The following MTIF2 variants were observed in gnomAD, a reference collection of about 807,000 sequenced individuals.
MTIF2 encodes translation initiation factor IF-2, mitochondrial.
Under a neutral mutation model 83.5 loss-of-function variants are expected in MTIF2, and 71 were observed. The observed-to-expected ratio is 0.85, with a 90% CI of 0.70 to 1.04. MTIF2 has a LOEUF of 1.04. MTIF2 is among the 50% of genes least tolerant of loss of function. MTIF2 has a pLI of 0.00. For synonymous variants in MTIF2, 319 were observed against 287.1 expected (o/e 1.11, Z -1.12); for missense variants, 957 against 846.5 (o/e 1.13, Z -1.62).
intron 8 of MTIF2, 29 bp from the exon 9 acceptor site, chr2:55,249,563 A>T: frequency 6.2e-7 from 1 of 1,608,902 alleles, no homozygotes; most frequent in Non-Finnish European, 8.5e-7. Context: ...AAAAGAGTGA[A>T]AATGATGACA....
intron 10 of MTIF2, among the ~76,000 whole-genome samples, chr2:55,245,068 T>A (rs774818439): frequency 1.3e-5 from 2 of 151,790 alleles, no homozygotes; most frequent in Non-Finnish European, 2.9e-5. Flanking sequence ...AATTAAAAAA[T>A]AAATAAATAT....
chr2:55,255,829 G>C (rs1677474355), intron 5 of MTIF2, among the ~76,000 whole-genome samples: 1 of 151,806 alleles, frequency 6.6e-6, no homozygotes, highest in Admixed American at 6.6e-5. Flanking sequence ...ATCTTTCACT[G>C]TTCTGCACAT....
At chr2:55,238,396 T>TG (rs1676050059) in intron 14 of MTIF2, among the ~76,000 whole-genome samples, 1 of 148,766 alleles carries the variant, frequency 6.7e-6, no homozygotes, top group African/African-American at 2.5e-5. Context: ...CTGGTTTTTT[T>TG]TTTTTTTTTT....
At chr2:55,243,806 G>T in intron 11 of MTIF2, 138 bp from the exon 12 acceptor site, 1 of 1,080,204 alleles carries the variant, frequency 9.3e-7, no homozygotes, top group Non-Finnish European at 1.3e-6. Context: ...CAAGAAACAT[G>T]TAAAATTTTA....
chr2:55,248,360 A>T (rs908718825), intron 9 of MTIF2, among the ~76,000 whole-genome samples: 1 of 152,224 alleles, frequency 6.6e-6, no homozygotes. Flanking sequence ...CTTGGAGGTA[A>T]CACATTTAGG....
At chr2:55,249,704 C>A (rs1365199759) in intron 8 of MTIF2, among the ~76,000 whole-genome samples, 170 bp from the exon 9 acceptor site, 1 of 152,156 alleles carries the variant, frequency 6.6e-6, no homozygotes, top group Non-Finnish European at 1.5e-5. Context: ...CTACTCTGCG[C>A]TCTACATATA....
chr2:55,242,501 C>A (rs142981996), intron 13 of MTIF2, among the ~76,000 whole-genome samples: 1 of 151,998 alleles, frequency 6.6e-6, no homozygotes, highest in African/African-American at 2.4e-5. Context: ...TAAAAAGATA[C>A]GATGTATAAA....
rs189288334 is a variant in MTIF2 at position 55,251,804 on chromosome 2, G to A, written c.841+673C>T. ...ATGCCTGGCTAACTTTGTATTTTTA[G>A]TAGAGACAGGGATTTTCCATGTTGG... On this transcript the variant is annotated intron_variant, in intron 8 of 15. Coordinates refer to ENST00000263629, the MANE Select transcript of MTIF2 (RefSeq NM_002453.3). Among the ~76,000 whole-genome samples the A allele has an allele frequency of 5.1e-3, 777 of 152,202 alleles. 8 individuals carry two copies. Among genetic ancestry groups the A allele is most frequent in the Non-Finnish European group, 9.4e-3 (641 of 68,018 alleles).
chr2:55,255,173 C>T (rs558580530), intron 5 of MTIF2, among the ~76,000 whole-genome samples: 17 of 151,242 alleles, frequency 1.1e-4, no homozygotes, highest in East Asian at 5.8e-4. Context: ...CATGTATACA[C>T]GAATGTGTGT....
rs1676207002 is a variant in MTIF2, at chr2:55,240,287, T to C, written c.1706-112A>G. 16 of 1,080,994 alleles carry C rather than the reference T, an allele frequency of 1.5e-5. 1 individual carries two copies. Among genetic ancestry groups the C allele is most frequent in the Non-Finnish European group, 2.1e-5 (16 of 765,866 alleles). 67.0% of individuals were successfully genotyped at this position (1,080,994 alleles called of 1,614,324 possible). Reference sequence around the variant, plus strand: ...AATTGTTTTATTTTCTAAATTAAAATAGCAAATAAGAGGCCAGGTGCAGTG... The same window carrying C: ...AATTGTTTTATTTTCTAAATTAAAACAGCAAATAAGAGGCCAGGTGCAGTG... On this transcript the variant is annotated intron_variant, in intron 13 of 15. Coordinates refer to ENST00000263629, the MANE Select transcript of MTIF2 (RefSeq NM_002453.3).
At chr2:55,237,186 T>C in intron 15 of MTIF2, 102 bp downstream of exon 15, 1 of 1,299,978 alleles carries the variant, frequency 7.7e-7, no homozygotes, top group Non-Finnish European at 1.1e-6. Context: ...TGGCCTGAGC[T>C]GAGATTATGG....
intron 8 of MTIF2, among the ~76,000 whole-genome samples, chr2:55,250,902 G>C (rs1470335481): frequency 1.3e-5 from 2 of 152,024 alleles, no homozygotes; most frequent in African/African-American, 4.8e-5. Context: ...CTGAGGTCAG[G>C]AGTTTGAGAC....
chr2:55,250,913 C>G (rs1677046297), intron 8 of MTIF2, among the ~76,000 whole-genome samples: 1 of 151,908 alleles, frequency 6.6e-6, no homozygotes, highest in African/African-American at 2.4e-5. Flanking sequence ...AGTTTGAGAC[C>G]AACCTGGCCA....
At position 55,250,848 on chromosome 2, in the gene MTIF2, G is replaced by C. The variant is rs184191898; in HGVS notation, c.842-1314C>G. On this transcript the variant is annotated intron_variant, in intron 8 of 15. Coordinates refer to ENST00000263629, the MANE Select transcript of MTIF2 (RefSeq NM_002453.3). ...AAGTACATTCTGGCCGGGCACGGTG[G>C]CTCATACCTGTAATCCCAGGACTTT... 3.7e-3 allele frequency among the ~76,000 whole-genome samples: 562 copies of C among 152,180 alleles called. 3 individuals carry two copies. Among genetic ancestry groups the C allele is most frequent in the South Asian group, 8.9e-3 (43 of 4,828 alleles).
At chr2:55,243,815 T>A in intron 11 of MTIF2, 147 bp from the exon 12 acceptor site, 2 of 1,042,552 alleles carry the variant, frequency 1.9e-6, no homozygotes, top group Non-Finnish European at 2.7e-6. Context: ...TGTAAAATTT[T>A]AATTTGAGAG....
At position 55,249,420 on chromosome 2, in the gene MTIF2, T is replaced by A; in HGVS notation, c.956A>T (p.Gln319Leu). Residue 319 changes from glutamine (Q) to leucine (L), a missense_variant, in exon 9 of 16, where the codon CAA (glutamine) becomes CTA (leucine). Transcript: ENST00000263629. ...VVCEDYGGDV[Q>L]AVPVSALTGD... ...CGTAAGTGCGGAGACAGGCACTGCTTGAACATCACCTCCATAATCTTCACA... is the reference window on the plus strand; with the variant it reads ...CGTAAGTGCGGAGACAGGCACTGCTAGAACATCACCTCCATAATCTTCACA... 1 of 1,614,176 alleles carries A rather than the reference T, an allele frequency of 6.2e-7. No homozygotes were observed.
At chr2:55,250,417 C>CAAA (rs377703766) in intron 8 of MTIF2, among the ~76,000 whole-genome samples, 1 of 100,260 alleles carries the variant, frequency 1.0e-5, no homozygotes. Context: ...AGATAATCTC[C>CAAA]AAAAAAAAAA....
At chr2:55,261,268 G>A (rs1026290169) in intron 5 of MTIF2, among the ~76,000 whole-genome samples, 1 of 152,158 alleles carries the variant, frequency 6.6e-6, no homozygotes, top group African/African-American at 2.4e-5. Context: ...ACCGTGCCTG[G>A]CTACTACCAG....
At chr2:55,245,917 G>A (rs548216487) in intron 10 of MTIF2, among the ~76,000 whole-genome samples, 37 of 152,224 alleles carry the variant, frequency 2.4e-4, no homozygotes, top group Middle Eastern at 3.4e-3. Context: ...CTGATACAGA[G>A]GAAAATTCAA....
Sources: gnomAD v4.1 joint callset for allele counts (sites outside exome capture counted in the v4.1 genomes callset) on GRCh38, gnomAD v4.1.1 for gene constraint, MANE v1.5 for transcripts, NCBI Gene and HGNC (gene_info 2026-07-23, HGNC 2026-07-21) for gene names.